Variants in PRH1 observed in about 807,000 individuals in gnomAD.
The protein encoded by PRH1 is proline rich protein HaeIII subfamily 1, also known as salivary acidic proline-rich phosphoprotein 1/2.
Under a neutral mutation model 7.9 loss-of-function variants are expected in PRH1, and 7 were observed. That is an observed-to-expected ratio of 0.89 (90% CI 0.50 to 1.67). The LOEUF is 1.67. Among genes scored for constraint, PRH1 ranks in the 40% most tolerant of loss-of-function variants. The pLI is 0.00. For synonymous variants in PRH1, 45 were observed against 80.8 expected, an observed-to-expected ratio of 0.56 and a Z score of 2.38; for missense variants, 109 against 223.6, an observed-to-expected ratio of 0.49 and a Z score of 3.27.
intron 1 of PRH1, among the ~76,000 whole-genome samples, chr12:11,018,283 C>G (rs1322111997): frequency 6.6e-6 from 1 of 152,218 alleles, no homozygotes; most frequent in Non-Finnish European, 1.5e-5. Flanking sequence ...GAACATTAAT[C>G]CAAGCAAAAA....
At chr12:11,028,665 G>GA (rs573836151) in intron 1 of PRH1, among the ~76,000 whole-genome samples, 85 of 152,044 alleles carry the variant, frequency 5.6e-4, no homozygotes, top group African/African-American at 2.0e-3. Context: ...ATTGACAATA[G>GA]AAAAAAATAC....
At chr12:11,100,882 C>T (rs1478565965) in intron 1 of PRH1, among the ~76,000 whole-genome samples, 1 of 151,948 alleles carries the variant, frequency 6.6e-6, no homozygotes, top group African/African-American at 2.4e-5. Context: ...AAATTTTACC[C>T]AACACACTGG....
At chr12:10,966,745 C>A (rs1056379407) in intron 2 of PRH1, among the ~76,000 whole-genome samples, 2 of 152,090 alleles carry the variant, frequency 1.3e-5, no homozygotes, top group African/African-American at 2.4e-5. Flanking sequence ...ATATGTCCAC[C>A]CTTGTTGTGT....
At chr12:10,899,161 G>A (rs890330066) in intron 2 of PRH1, among the ~76,000 whole-genome samples, 1 of 152,170 alleles carries the variant, frequency 6.6e-6, no homozygotes, top group Non-Finnish European at 1.5e-5. Context: ...TATTTCACAG[G>A]CTCATAGCTG....
chr12:11,052,594 C>T (rs545752725), intron 1 of PRH1, among the ~76,000 whole-genome samples: 2 of 152,266 alleles, frequency 1.3e-5, no homozygotes, highest in East Asian at 3.9e-4. Context: ...TCTGTTTTCT[C>T]TCCTCTAATC....
intron 1 of PRH1, among the ~76,000 whole-genome samples, chr12:11,009,152 T>C (rs2136037509): frequency 6.6e-6 from 1 of 152,016 alleles, no homozygotes; most frequent in East Asian, 1.9e-4. Context: ...TTATATTTTA[T>C]CTGAAAAAAT....
chr12:11,071,400 T>G (rs1944062514), intron 1 of PRH1, among the ~76,000 whole-genome samples: 1 of 152,186 alleles, frequency 6.6e-6, no homozygotes, highest in South Asian at 2.1e-4. Flanking sequence ...AAAAAAGACC[T>G]TCTTGGAAGA....
At chr12:11,029,145 G>A (rs993911953) in intron 1 of PRH1, among the ~76,000 whole-genome samples, 1 of 147,880 alleles carries the variant, frequency 6.8e-6, no homozygotes, top group Non-Finnish European at 1.5e-5. Context: ...TCAGGTGGGG[G>A]GATGATTCAT....
intron 2 of PRH1, chr12:10,964,841 G>C: frequency 1.8e-6 from 1 of 546,708 alleles, no homozygotes; most frequent in Non-Finnish European, 3.4e-6. Context: ...AAGGTGCGTC[G>C]GATCACTCAA....
intron 2 of PRH1, 70 bp from the exon 3 acceptor site, chr12:10,882,768 T>C (rs1949426945): frequency 6.3e-7 from 1 of 1,590,022 alleles, no homozygotes; most frequent in African/African-American, 1.3e-5. Flanking sequence ...CCTCTCTGTC[T>C]TCACCACACG....
chr12:11,036,052 C>G lies in PRH1; in HGVS notation c.-126+10968G>C, dbSNP rs868681369. 6.6e-5 allele frequency among the ~76,000 whole-genome samples: 10 copies of G among 152,232 alleles called. 1 individual carries two copies. The South Asian group carries it at 1.5e-3, about 22-fold the overall frequency. ...GGGACTACAGGAGCCTGCCACAACG[C>G]CTGGCTAATTTTTTGTATTTTTAGT... On this transcript the variant is annotated intron_variant, in intron 1 of 3. Coordinates refer to the PRH1 transcript ENST00000539853.
At chr12:11,067,456 G>A (rs554654060) in intron 1 of PRH1, among the ~76,000 whole-genome samples, 1 of 151,912 alleles carries the variant, frequency 6.6e-6, no homozygotes, top group African/African-American at 2.4e-5. Flanking sequence ...AAGAAAAAAG[G>A]TGTTTAGCTG....
rs149247738 is a variant in PRH1 at position 11,114,749 on chromosome 12, T to A, written n.123+56673A>T. Reference sequence around the variant, plus strand: ...AAAGTTAAAAATGAAGAAGATGGAGTTAAGGTGCAGAGTCTTCATTTGTTT... The same window carrying A: ...AAAGTTAAAAATGAAGAAGATGGAGATAAGGTGCAGAGTCTTCATTTGTTT... On this transcript the variant is annotated intron_variant and non_coding_transcript_variant, in intron 1 of 4. Coordinates refer to the PRH1 transcript ENST00000541977. 4.4e-3 allele frequency among the ~76,000 whole-genome samples: 660 copies of A among 151,642 alleles called. 9 individuals are homozygous for A. Among genetic ancestry groups the A allele is most frequent in the African/African-American group, 0.014 (599 of 41,344 alleles).
intron 2 of PRH1, chr12:10,939,029 C>A: frequency 6.2e-7 from 1 of 1,613,686 alleles, no homozygotes; most frequent in Non-Finnish European, 8.5e-7. Flanking sequence ...GAATATTAAC[C>A]AAACCAGGCT....
Position 10,966,931 on chromosome 12 carries a change from C to T in PRH1, c.-59+6724G>A, listed in dbSNP as rs541437128. 1.1e-3 allele frequency among the ~76,000 whole-genome samples: 163 copies of T among 152,096 alleles called. 1 individual carries two copies. The highest frequency in any genetic ancestry group is 3.4e-3 in the Middle Eastern group (1 of 294). On this transcript the variant is annotated intron_variant, in intron 2 of 3. Transcript: ENST00000539853. ...GGGATCGAGACCATCCTGGCTAACA[C>T]GGTGAAACCCCGTCTCTACAAAAAA...
At chr12:11,031,540 G>A (rs1012811715) in intron 1 of PRH1, 37 of 576,066 alleles carry the variant, frequency 6.4e-5, no homozygotes, top group Non-Finnish European at 8.7e-5. Flanking sequence ...AGCTTCCACC[G>A]GGAGGAAGGC....
upstream of PRH1, among the ~76,000 whole-genome samples, chr12:10,888,524 C>T (rs548919761): frequency 1.1e-4 from 16 of 152,274 alleles, no homozygotes; most frequent in East Asian, 1.9e-4. Flanking sequence ...TATGCAAAAG[C>T]GTAAATCACA....
At chr12:11,112,048 T>C (rs1945604637) in intron 1 of PRH1, among the ~76,000 whole-genome samples, 1 of 151,904 alleles carries the variant, frequency 6.6e-6, no homozygotes, top group African/African-American at 2.4e-5. Context: ...CGCTAGAAAA[T>C]TTAGAAGAAA....
At chr12:11,159,664 CCAGA>C (rs1947357010) in intron 1 of PRH1, 2 of 152,040 alleles carry the variant, frequency 1.3e-5, no homozygotes, top group African/African-American at 4.8e-5. Flanking sequence ...GTTGCCACCA[CCAGA>C]AAGAAAATAT....
Sources: gnomAD v4.1 joint callset for allele counts (sites outside exome capture counted in the v4.1 genomes callset) on GRCh38, gnomAD v4.1.1 for gene constraint, MANE v1.5 for transcripts, NCBI Gene and HGNC (gene_info 2026-07-23, HGNC 2026-07-21) for gene names.